Variants in NFIB observed in about 807,000 individuals in gnomAD.
The protein encoded by NFIB is nuclear factor 1 B-type.
NFIB carries 11 observed loss-of-function variants against 61.5 expected under a neutral mutation model. The observed-to-expected ratio is 0.18, with a 90% confidence interval of 0.11 to 0.30. NFIB has a LOEUF of 0.30. Among genes scored for constraint, NFIB ranks in the 10% least tolerant of loss-of-function variants. The pLI is 1.00. For missense variants in NFIB, 471 were observed against 608.9 expected (o/e 0.77, Z 2.38); for synonymous variants, 260 against 216.5 (o/e 1.20, Z -1.76).
chr9:14,438,353 C>T, the NFIB span, among the ~76,000 whole-genome samples: 9 of 152,160 alleles, frequency 5.9e-5, no homozygotes, highest in South Asian at 6.2e-4. Flanking sequence ...ACCATCTCAA[C>T]GCTTCCTGTG....
chr9:14,163,613 A>G (rs1186182098), intron 3 of NFIB, among the ~76,000 whole-genome samples: 1 of 152,072 alleles, frequency 6.6e-6, no homozygotes, highest in Non-Finnish European at 1.5e-5. Flanking sequence ...AAAAAATATT[A>G]TGAATACAAT....
intron 2 of NFIB, among the ~76,000 whole-genome samples, chr9:14,233,464 G>T (rs1240046763): frequency 1.6e-5 from 2 of 122,478 alleles, no homozygotes; most frequent in Admixed American, 1.1e-4. Context: ...GTCTCACTCT[G>T]TCGCCCAGGC....
rs71321971 is a variant in NFIB, at chr9:14,237,763, AGTGTGTGTGTGTGTGTGTGTGTGTGT to A, written c.563-58009_563-57984del. On this transcript the variant is annotated intron_variant, in intron 2 of 10. Transcript: ENST00000380953. ...AGCTCCTCACCCTGCTAGGTATAAC[AGTGTGTGTGTGTGTGTGTGTGTGTGT>A]GTGTGTGTGTGTGTGTGTGTGTGTG... is the stretch of plus-strand genomic sequence containing the variant. Among the ~76,000 whole-genome samples, 310 of 85,134 alleles carry A rather than the reference AGTGTGTGTGTGTGTGTGTGTGTGTGT, an allele frequency of 3.6e-3. 4 individuals are homozygous for A. The highest frequency in any genetic ancestry group is 0.018 in the South Asian group (37 of 2,066). The allele number at this position is 85,134 out of a possible 152,430, so 55.9% of individuals were successfully genotyped here.
chr9:14,397,647 A>G (rs537058428), intron 1 of NFIB, among the ~76,000 whole-genome samples: 1 of 152,360 alleles, frequency 6.6e-6, no homozygotes, highest in South Asian at 2.1e-4. Context: ...AGTCATGCTT[A>G]TTACTTTGTA....
the NFIB span, among the ~76,000 whole-genome samples, chr9:14,525,877 C>T: frequency 6.6e-6 from 1 of 152,148 alleles, no homozygotes; most frequent in Non-Finnish European, 1.5e-5. Context: ...GGGGCACCTA[C>T]TAAGTGCTCA....
At chr9:14,261,947 C>G (rs1401155824) in intron 2 of NFIB, among the ~76,000 whole-genome samples, 1 of 152,144 alleles carries the variant, frequency 6.6e-6, no homozygotes, top group African/African-American at 2.4e-5. Context: ...TTGGGAGAGA[C>G]AGAGGATTGC....
At chr9:14,467,881 C>T in the NFIB span, among the ~76,000 whole-genome samples, 6 of 152,102 alleles carry the variant, frequency 3.9e-5, no homozygotes, top group Admixed American at 2.6e-4. Flanking sequence ...AAAACTGAGG[C>T]TGAGTGAGAT....
intron 2 of NFIB, among the ~76,000 whole-genome samples, chr9:14,301,963 A>T (rs1563990964): frequency 6.6e-6 from 1 of 152,218 alleles, no homozygotes; most frequent in Admixed American, 6.5e-5. Flanking sequence ...TCAGTCAAGG[A>T]CAAGTTGCTA....
At chr9:14,427,937 G>GTGTTTTTTTTTT in the NFIB span, among the ~76,000 whole-genome samples, 2 of 43,384 alleles carry the variant, frequency 4.6e-5, no homozygotes, top group African/African-American at 1.6e-4. Flanking sequence ...TAATTCAGTT[G>GTGTTTTTTTTTT]TTTTTTTTTT....
chr9:14,440,394 T>A, the NFIB span, among the ~76,000 whole-genome samples: 3 of 152,114 alleles, frequency 2.0e-5, no homozygotes, highest in African/African-American at 7.2e-5. Flanking sequence ...ATTGGCCTAT[T>A]TTTTTTATGG....
chr9:14,240,639 T>G (rs1587857774), intron 2 of NFIB, among the ~76,000 whole-genome samples: 1 of 152,272 alleles, frequency 6.6e-6, no homozygotes, highest in East Asian at 1.9e-4. Flanking sequence ...AAAAGCAAAG[T>G]ATAGTAACAG....
the NFIB span, among the ~76,000 whole-genome samples, chr9:14,471,971 G>T: frequency 6.6e-6 from 1 of 152,138 alleles, no homozygotes; most frequent in Admixed American, 6.5e-5. Flanking sequence ...CTCCATCTCC[G>T]ACCTGCAGGT....
intron 1 of NFIB, among the ~76,000 whole-genome samples, chr9:14,332,988 A>G (rs997694093): frequency 6.6e-6 from 1 of 152,220 alleles, no homozygotes; most frequent in Non-Finnish European, 1.5e-5. Context: ...AAGCCTTTCT[A>G]CAGCCTACAG....
intron 10 of NFIB, among the ~76,000 whole-genome samples, chr9:14,104,764 A>G (rs1418742697): frequency 6.6e-6 from 1 of 151,784 alleles, no homozygotes; most frequent in Non-Finnish European, 1.5e-5. Context: ...AAAAAAAAAA[A>G]TTGTAGCGAT....
At chr9:14,266,588 T>G (rs1370922068) in intron 2 of NFIB, among the ~76,000 whole-genome samples, 2 of 149,756 alleles carry the variant, frequency 1.3e-5, no homozygotes, top group African/African-American at 4.9e-5. Flanking sequence ...GAGCAAGACC[T>G]TGTCTCAAAA....
intron 2 of NFIB, among the ~76,000 whole-genome samples, chr9:14,211,131 T>A (rs149222981): frequency 6.6e-6 from 1 of 152,198 alleles, no homozygotes; most frequent in Non-Finnish European, 1.5e-5. Flanking sequence ...AAACTTGCGG[T>A]AAAATTAAAA....
chr9:14,281,810 C>T (rs143892960), intron 2 of NFIB, among the ~76,000 whole-genome samples: 50 of 152,122 alleles, frequency 3.3e-4, no homozygotes, highest in Non-Finnish European at 5.7e-4. Flanking sequence ...TGTTCTCACA[C>T]GTTCACATGC....
chr9:14,235,848 T>A (rs2053683708), intron 2 of NFIB, among the ~76,000 whole-genome samples: 1 of 152,274 alleles, frequency 6.6e-6, no homozygotes, highest in South Asian at 2.1e-4. Context: ...ACACCACTTA[T>A]CCCCAAGGCT....
At chr9:14,202,209 T>C (rs897928761) in intron 2 of NFIB, among the ~76,000 whole-genome samples, 2 of 152,022 alleles carry the variant, frequency 1.3e-5, no homozygotes, top group Non-Finnish European at 2.9e-5. Flanking sequence ...TTTTTGTTTA[T>C]AGCAACTAAA....
Sources: allele counts gnomAD v4.1 joint callset (sites outside exome capture counted in the v4.1 genomes callset), GRCh38; gene constraint gnomAD v4.1.1; transcripts MANE v1.5; gene names NCBI Gene and HGNC (gene_info 2026-07-23, HGNC 2026-07-21).